Variants in CYP7B1 observed in about 807,000 individuals in gnomAD.
CYP7B1 encodes cytochrome P450 7B1.
In CYP7B1, 29 loss-of-function variants were observed where a neutral mutation model predicts 42.7. The observed-to-expected ratio is 0.68, with a 90% CI of 0.51 to 0.93. The LOEUF (loss-of-function observed/expected upper bound fraction) is 0.93. Among genes scored for constraint, CYP7B1 ranks in the 40% least tolerant of loss-of-function variants. The pLI is 0.00. For missense variants in CYP7B1, 655 were observed against 600.5 expected (o/e 1.09, Z -0.95); for synonymous variants, 235 against 218.2 (o/e 1.08, Z -0.68).
At chr8:64,652,700 C>T (rs969005523) in intron 1 of CYP7B1, among the ~76,000 whole-genome samples, 19 of 151,970 alleles carry the variant, frequency 1.3e-4, no homozygotes, top group African/African-American at 4.3e-4. Flanking sequence ...AAAAGTTAGC[C>T]GGGCGTGGTG....
chr8:64,739,752 T>C (rs1160360995), intron 1 of CYP7B1, among the ~76,000 whole-genome samples: 1 of 152,160 alleles, frequency 6.6e-6, no homozygotes, highest in Non-Finnish European at 1.5e-5. Context: ...TATTCACATC[T>C]TGACATATCA....
At chr8:64,607,245 T>C (rs1805295962) in intron 4 of CYP7B1, among the ~76,000 whole-genome samples, 2 of 152,104 alleles carry the variant, frequency 1.3e-5, no homozygotes, top group South Asian at 4.1e-4. Context: ...AGAAGCCAGG[T>C]TTTTATTTGA....
At chr8:64,589,660 C>T (rs1032520845), downstream of CYP7B1, 4 of 152,218 alleles carry the variant, frequency 2.6e-5, no homozygotes, top group Admixed American at 2.0e-4. Flanking sequence ...TTGGTAACTA[C>T]GATGGCTAGT....
At chr8:64,716,706 C>T (rs1371271496) in intron 1 of CYP7B1, among the ~76,000 whole-genome samples, 1 of 152,028 alleles carries the variant, frequency 6.6e-6, no homozygotes, top group Non-Finnish European at 1.5e-5. Flanking sequence ...GACTCCATTT[C>T]AAAAATAAAA....
chr8:64,685,773 TGG>T (rs201010759), intron 1 of CYP7B1, among the ~76,000 whole-genome samples: 2 of 36,372 alleles, frequency 5.5e-5, no homozygotes, highest in African/African-American at 1.7e-4. Context: ...GGGAGGGAGG[TGG>T]GGGGGGGTCA....
At chr8:64,715,678 A>AGAG (rs57816068) in intron 1 of CYP7B1, among the ~76,000 whole-genome samples, 43,747 of 151,990 alleles carry the variant, frequency 0.29, 7,495 homozygotes, top group African/African-American at 0.48. Context: ...GGAAAATGTG[A>AGAG]GAGAACTCAC....
At chr8:64,631,969 G>T (rs1421657563) in intron 1 of CYP7B1, among the ~76,000 whole-genome samples, 3 of 152,094 alleles carry the variant, frequency 2.0e-5, no homozygotes, top group Non-Finnish European at 4.4e-5. Context: ...CTATTGGTGG[G>T]ACTCCAAAAT....
At chr8:64,643,146 CATATAT>C (rs373876032) in intron 1 of CYP7B1, among the ~76,000 whole-genome samples, 4 of 28,072 alleles carry the variant, frequency 1.4e-4, no homozygotes, top group African/African-American at 6.0e-4. Context: ...TACATATATA[CATATAT>C]ACATATATAC....
At position 64,798,714 on chromosome 8, in the gene CYP7B1, G is replaced by A; in HGVS notation, c.-127C>T. On this transcript the variant is annotated 5_prime_UTR_variant, in exon 1 of 6. Coordinates refer to ENST00000310193, the MANE Select transcript of CYP7B1 (RefSeq NM_004820.5). ...AGTCCAGGGCCGGAGAGGCTGGCCTGCCCGCAGCGCAGACAGGAATGTCAC... is the reference window on the plus strand; with the variant it reads ...AGTCCAGGGCCGGAGAGGCTGGCCTACCCGCAGCGCAGACAGGAATGTCAC... The A allele has an allele frequency of 9.5e-7, 1 of 1,056,898 alleles. No homozygotes were observed. Among genetic ancestry groups the A allele is most frequent in the Non-Finnish European group, 1.3e-6 (1 of 788,692 alleles). 65.5% of individuals were successfully genotyped at this position (1,056,898 alleles called of 1,614,324 possible).
At chr8:64,621,120 A>C (rs950576008) in intron 2 of CYP7B1, among the ~76,000 whole-genome samples, 1 of 152,210 alleles carries the variant, frequency 6.6e-6, no homozygotes, top group African/African-American at 2.4e-5. Context: ...CATAAAGCCC[A>C]AGGCTCACTT....
At chr8:64,691,771 C>A (rs142565773) in intron 1 of CYP7B1, among the ~76,000 whole-genome samples, 1 of 152,276 alleles carries the variant, frequency 6.6e-6, no homozygotes, top group African/African-American at 2.4e-5. Flanking sequence ...CAACCTCCCC[C>A]ATCTGCAGTG....
intron 1 of CYP7B1, among the ~76,000 whole-genome samples, chr8:64,722,962 G>A (rs901686556): frequency 3.9e-5 from 6 of 151,960 alleles, no homozygotes; most frequent in Non-Finnish European, 4.4e-5. Context: ...TTAAAATAAC[G>A]TTAAAATAGA....
Position 64,665,543 on chromosome 8 carries a change from GT to G in CYP7B1, c.123-41005del, listed in dbSNP as rs989479536. On this transcript the variant is annotated intron_variant, in intron 1 of 5. Transcript: ENST00000310193. Reference sequence around the variant, plus strand: ...TCACCTTTAGAGCAGCATTTTAAGTGTTTTTTTTTTTGGTGGTTTTTTTTTT... The same window carrying G: ...TCACCTTTAGAGCAGCATTTTAAGTGTTTTTTTTTTGGTGGTTTTTTTTTT... 8.5e-3 allele frequency among the ~76,000 whole-genome samples: 394 copies of G among 46,208 alleles called. 2 individuals carry two copies. Among genetic ancestry groups the G allele is most frequent in the Non-Finnish European group, 0.014 (274 of 20,066 alleles). The allele number at this position is 46,208 out of a possible 152,430, so 30.3% of individuals were successfully genotyped here.
chr8:64,773,628 C>G (rs1804273593), intron 1 of CYP7B1, among the ~76,000 whole-genome samples: 1 of 152,212 alleles, frequency 6.6e-6, no homozygotes, highest in Non-Finnish European at 1.5e-5. Context: ...CCCAGTGCCT[C>G]AGTCCATTTT....
chr8:64,607,079 G>A (rs761022489), intron 4 of CYP7B1, among the ~76,000 whole-genome samples: 2 of 152,170 alleles, frequency 1.3e-5, no homozygotes, highest in East Asian at 3.9e-4. Flanking sequence ...TATCCTGCAC[G>A]GTAGAGCAAC....
chr8:64,686,964 C>T (rs1357872435), intron 1 of CYP7B1, among the ~76,000 whole-genome samples: 1 of 127,348 alleles, frequency 7.9e-6, no homozygotes, highest in Non-Finnish European at 1.6e-5. Flanking sequence ...AATCCCTAAT[C>T]TCAAGTAATC....
intron 1 of CYP7B1, among the ~76,000 whole-genome samples, chr8:64,772,472 T>C (rs1056218653): frequency 2.0e-5 from 3 of 152,194 alleles, no homozygotes; most frequent in African/African-American, 7.2e-5. Context: ...GCCAATGGCC[T>C]TGAGACTTGA....
At chr8:64,758,956 C>T (rs1028841207) in intron 1 of CYP7B1, among the ~76,000 whole-genome samples, 10 of 152,194 alleles carry the variant, frequency 6.6e-5, no homozygotes, top group African/African-American at 9.7e-5. Flanking sequence ...GACATTCAGA[C>T]AATTTTAACC....
intron 4 of CYP7B1, among the ~76,000 whole-genome samples, chr8:64,608,952 C>T (rs1483437850): frequency 2.0e-5 from 3 of 152,152 alleles, no homozygotes; most frequent in East Asian, 1.9e-4. Flanking sequence ...GTAAATTCGG[C>T]GTTCATATAT....
Sources: gnomAD v4.1 joint callset for allele counts (sites outside exome capture counted in the v4.1 genomes callset) on GRCh38, gnomAD v4.1.1 for gene constraint, MANE v1.5 for transcripts, NCBI Gene and HGNC (gene_info 2026-07-23, HGNC 2026-07-21) for gene names.